The following SGPP2 variants were observed in gnomAD, a reference collection of about 807,000 sequenced individuals.
SGPP2 encodes the protein sphingosine-1-phosphate phosphatase 2, also known as sphingosine 1-phosphate phosphohydrolase 2.
SGPP2 carries 30 observed loss-of-function variants against 33.9 expected under a neutral mutation model. The observed-to-expected ratio is 0.89, with a 90% CI of 0.66 to 1.20. SGPP2 has a LOEUF of 1.20. Ranked by LOEUF, SGPP2 falls within the 50% of genes most tolerant of loss-of-function variation. SGPP2 has a pLI of 0.00. For synonymous variants in SGPP2, 233 were observed against 225.0 expected, an observed-to-expected ratio of 1.04 and a Z score of -0.32; for missense variants, 458 against 532.1, an observed-to-expected ratio of 0.86 and a Z score of 1.37.
chr2:222,536,789 G>A (rs1381391570), intron 4 of SGPP2, among the ~76,000 whole-genome samples: 1 of 152,178 alleles, frequency 6.6e-6, no homozygotes, highest in Non-Finnish European at 1.5e-5. Context: ...ATGATGTTTA[G>A]GAAAATATTG....
chr2:222,454,289 G>T (rs1235501366), intron 1 of SGPP2, among the ~76,000 whole-genome samples: 1 of 152,178 alleles, frequency 6.6e-6, no homozygotes, highest in Admixed American at 6.5e-5. Flanking sequence ...TGGCTCTTGA[G>T]AGATGCTGTT....
chr2:222,515,613 G>C lies in SGPP2; in HGVS notation c.379-6154G>C, dbSNP rs145730229. 2.0e-5 allele frequency among the ~76,000 whole-genome samples: 3 copies of C among 152,158 alleles called. No homozygotes were observed. The South Asian group carries it at 6.2e-4, about 32-fold the overall frequency. ...CAAAGTGCTGGGATTACAGGCGTGAGCCACCGTGCCCAGCCTGAACATATT... is the reference window on the plus strand; with the variant it reads ...CAAAGTGCTGGGATTACAGGCGTGACCCACCGTGCCCAGCCTGAACATATT... On this transcript the variant is annotated intron_variant, in intron 2 of 4. Coordinates refer to ENST00000321276, the MANE Select transcript of SGPP2 (RefSeq NM_152386.4).
At chr2:222,494,516 C>T (rs774524257) in intron 2 of SGPP2, among the ~76,000 whole-genome samples, 5 of 152,198 alleles carry the variant, frequency 3.3e-5, no homozygotes, top group Non-Finnish European at 7.3e-5. Flanking sequence ...CCTTGCCAGC[C>T]CACGGCTGCC....
At chr2:222,491,063 G>A (rs368542042) in intron 2 of SGPP2, among the ~76,000 whole-genome samples, 15 of 152,088 alleles carry the variant, frequency 9.9e-5, no homozygotes, top group South Asian at 4.2e-4. Flanking sequence ...TCTCATGCCA[G>A]CTTTTCACCC....
intron 4 of SGPP2, among the ~76,000 whole-genome samples, chr2:222,556,346 G>A (rs1689398754): frequency 6.6e-6 from 1 of 152,010 alleles, no homozygotes; most frequent in South Asian, 2.1e-4. Context: ...GGGGATGGTG[G>A]AGGGGAACTG....
intron 1 of SGPP2, among the ~76,000 whole-genome samples, chr2:222,443,829 T>C (rs1207436558): frequency 1.3e-5 from 2 of 152,220 alleles, no homozygotes; most frequent in African/African-American, 2.4e-5. Flanking sequence ...AAGATGGTGC[T>C]TGGCTTCTTA....
At position 222,451,140 on chromosome 2, in the gene SGPP2, G is replaced by GAAA. The variant is rs5838950; in HGVS notation, c.220-23414_220-23412dup. ...AATGAATAAAAACCATACAAAAAGA[G>GAAA]AAAAAAAAAAAAAAAACTGCAATCA... On this transcript the variant is annotated intron_variant, in intron 1 of 4. Transcript: ENST00000321276. Among the ~76,000 whole-genome samples the GAAA allele has an allele frequency of 1.6e-3, 209 of 131,148 alleles. 1 individual carries two copies. The highest frequency in any genetic ancestry group is 0.011 in the Middle Eastern group (3 of 266). The allele number at this position is 131,148 out of a possible 152,430, so 86.0% of individuals were successfully genotyped here.
chr2:222,499,294 G>A (rs1275778219), intron 2 of SGPP2, among the ~76,000 whole-genome samples: 2 of 152,218 alleles, frequency 1.3e-5, no homozygotes, highest in African/African-American at 4.8e-5. Flanking sequence ...TGTTGATGGT[G>A]TGATCAACCA....
rs1559179612 is a variant in SGPP2 at position 222,558,379 on chromosome 2, C to T, written c.681C>T (p.Leu227=). The T allele has an allele frequency of 1.2e-6, 2 of 1,614,020 alleles. No homozygotes were observed. The highest frequency in any genetic ancestry group is 1.7e-6 in the Non-Finnish European group (2 of 1,179,996). ...DVLGGVLITA[L]LIVLTYPAWT... is the part of the protein sequence containing the mutation. ...TGGGTGGCGTCCTGATCACCGCACTCCTCATCGTCCTCACCTACCCTGCCT... is the reference window on the plus strand; with the variant it reads ...TGGGTGGCGTCCTGATCACCGCACTTCTCATCGTCCTCACCTACCCTGCCT... Residue 227 remains leucine (L), a synonymous_variant, in exon 5 of 5, where the codon CTC becomes CTT. Coordinates refer to ENST00000321276, the MANE Select transcript of SGPP2 (RefSeq NM_152386.4).
chr2:222,448,095 G>A (rs758094045), intron 1 of SGPP2, among the ~76,000 whole-genome samples: 8 of 152,190 alleles, frequency 5.3e-5, no homozygotes, highest in Admixed American at 3.9e-4. Flanking sequence ...GTTGGACTCC[G>A]AAGCACATGC....
At chr2:222,471,112 A>G (rs960375313) in intron 1 of SGPP2, among the ~76,000 whole-genome samples, 1 of 152,188 alleles carries the variant, frequency 6.6e-6, no homozygotes, top group African/African-American at 2.4e-5. Flanking sequence ...ATTCACTTGG[A>G]AGTAAAGTTT....
chr2:222,550,184 C>A lies in SGPP2; in HGVS notation c.649-8163C>A, dbSNP rs1689268432. On this transcript the variant is annotated intron_variant, in intron 4 of 4. Transcript: ENST00000321276. The surrounding 1 kb of genome is among the most constrained non-coding windows in gnomAD (Gnocchi z 4.5). ...TGAGCCACCGCACCCAGCCTGTATG[C>A]CTTTATTTTAAAAGTTACTTGGATC... 6.6e-6 allele frequency among the ~76,000 whole-genome samples: 1 copy of A among 151,962 alleles called. No homozygotes were observed. Among genetic ancestry groups the A allele is most frequent in the South Asian group, 2.1e-4 (1 of 4,824 alleles).
rs183438696 is a variant in SGPP2, at chr2:222,465,050, G to A, written c.220-9518G>A. ...ACTGAAATTCCACTGTAAAATGAAA[G>A]CCACATTGGGCTCAGTCCCCTCAAC... On this transcript the variant is annotated intron_variant, in intron 1 of 4. Transcript: ENST00000321276. The surrounding 1 kb of genome is among the most constrained non-coding windows in gnomAD (Gnocchi z 4.1). Among the ~76,000 whole-genome samples the A allele has an allele frequency of 6.6e-6, 1 of 152,314 alleles. No individual in the cohort carries two copies. Among genetic ancestry groups the A allele is most frequent in the African/African-American group, 2.4e-5 (1 of 41,564 alleles).
In SGPP2 at chr2:222,476,704, A is replaced by G. The variant is rs1045238293; in HGVS notation, c.378+1978A>G. Among the ~76,000 whole-genome samples, 11 of 151,342 alleles carry G rather than the reference A, an allele frequency of 7.3e-5. No homozygotes were observed. The highest frequency in any genetic ancestry group is 2.0e-4 in the East Asian group (1 of 5,082). ...ATGTGTGTGTGTGCGTGTGTAAGGT[A>G]TAACTGTATATATATGTATGTGTGT... On this transcript the variant is annotated intron_variant, in intron 2 of 4. Transcript: ENST00000321276. The surrounding 1 kb of genome is among the most constrained non-coding windows in gnomAD (Gnocchi z 4.3).
chr2:222,435,621 C>T lies in SGPP2; in HGVS notation c.219+10800C>T, dbSNP rs138070485. Among the ~76,000 whole-genome samples, 62 of 152,242 alleles carry T rather than the reference C, an allele frequency of 4.1e-4. 1 individual carries two copies. In the East Asian group the frequency reaches 0.011, roughly 26 times the overall value. ...CAACAGGAAATTCACCACGCCCCAA[C>T]GCAAGTACTATTACATAAAGTTAAC... On this transcript the variant is annotated intron_variant, in intron 1 of 4. Coordinates refer to ENST00000321276, the MANE Select transcript of SGPP2 (RefSeq NM_152386.4).
chr2:222,478,816 T>C (rs558194434), intron 2 of SGPP2, among the ~76,000 whole-genome samples: 30 of 152,322 alleles, frequency 2.0e-4, no homozygotes, highest in Admixed American at 1.9e-3. Context: ...AAGTGCTCTC[T>C]CCTCACAATC....
chr2:222,451,459 A>AT (rs1259143373), intron 1 of SGPP2, among the ~76,000 whole-genome samples: 1 of 152,188 alleles, frequency 6.6e-6, no homozygotes, highest in African/African-American at 2.4e-5. Context: ...GTACAGAATT[A>AT]TTTTGATGTG....
At chr2:222,436,017 C>G (rs567696961) in intron 1 of SGPP2, among the ~76,000 whole-genome samples, 11 of 152,190 alleles carry the variant, frequency 7.2e-5, no homozygotes, top group Non-Finnish European at 1.5e-4. Flanking sequence ...AATGGTAATA[C>G]TAAGAGATGC....
chr2:222,487,016 T>C (rs904659899), intron 2 of SGPP2, among the ~76,000 whole-genome samples: 1 of 152,210 alleles, frequency 6.6e-6, no homozygotes, highest in Non-Finnish European at 1.5e-5. Flanking sequence ...TGTCCTTTGT[T>C]GTGTTTGATC....
Sources: gnomAD v4.1 joint callset for allele counts (sites outside exome capture counted in the v4.1 genomes callset) on GRCh38, gnomAD v4.1.1 for gene constraint, Gnocchi (gnomAD v3.1) non-coding constraint, MANE v1.5 for transcripts, NCBI Gene and HGNC (gene_info 2026-07-23, HGNC 2026-07-21) for gene names.